NR5A2: variants seen among roughly 807,000 people sequenced by gnomAD.
The protein encoded by NR5A2 is nuclear receptor subfamily 5 group A member 2.
In NR5A2, 26 loss-of-function variants were observed where a neutral mutation model predicts 62.7. The ratio of observed to expected loss-of-function variants is 0.41; its 90% CI spans 0.30 to 0.58. The LOEUF is 0.58. NR5A2 is among the 20% of genes least tolerant of loss of function. The pLI, the probability that NR5A2 is intolerant of heterozygous loss-of-function variation, is 0.22. For missense variants in NR5A2, 541 were observed against 669.1 expected, an observed-to-expected ratio of 0.81 and a Z score of 2.11; for synonymous variants, 246 against 241.7, an observed-to-expected ratio of 1.02 and a Z score of -0.16.
At chr1:200,089,713 AT>A (rs2102250182) in intron 5 of NR5A2, among the ~76,000 whole-genome samples, 1 of 152,024 alleles carries the variant, frequency 6.6e-6, no homozygotes, top group South Asian at 2.1e-4. Flanking sequence ...CAAGGGATCC[AT>A]CCTCCTCAGC....
intron 7 of NR5A2, among the ~76,000 whole-genome samples, chr1:200,157,513 A>G (rs1653445093): frequency 6.6e-6 from 1 of 152,232 alleles, no homozygotes; most frequent in South Asian, 2.1e-4. Context: ...TGAAAAAAAA[A>G]TAGGATAGCT....
intron 7 of NR5A2, among the ~76,000 whole-genome samples, chr1:200,146,493 A>C (rs1395283404): frequency 3.9e-5 from 6 of 152,240 alleles, no homozygotes; most frequent in Non-Finnish European, 8.8e-5. Flanking sequence ...CATGGAAACC[A>C]CCTGGAATTC....
In NR5A2 at chr1:200,096,272, G is replaced by A. The variant is rs149452430; in HGVS notation, c.1111-14930G>A. Among the ~76,000 whole-genome samples, 397 of 152,196 alleles carry A rather than the reference G, an allele frequency of 2.6e-3. 1 individual carries two copies. The highest frequency in any genetic ancestry group is 9.0e-3 in the African/African-American group (372 of 41,520). Reference sequence around the variant, plus strand: ...CTGACTAATTTTTGTATTTTGAATAGAGATGGGGTTTCACCATGTTGGCCA... The same window carrying A: ...CTGACTAATTTTTGTATTTTGAATAAAGATGGGGTTTCACCATGTTGGCCA... On this transcript the variant is annotated intron_variant, in intron 5 of 7. Transcript: ENST00000367362.
chr1:200,110,042 G>T (rs1665869163), intron 5 of NR5A2, among the ~76,000 whole-genome samples: 1 of 152,196 alleles, frequency 6.6e-6, no homozygotes, highest in Non-Finnish European at 1.5e-5. Flanking sequence ...TAGGATTACA[G>T]GCATGAGCCA....
intron 5 of NR5A2, among the ~76,000 whole-genome samples, chr1:200,061,514 G>A (rs1310324651): frequency 6.6e-6 from 1 of 152,056 alleles, no homozygotes; most frequent in African/African-American, 2.4e-5. Flanking sequence ...CCGACCTCAG[G>A]TGATCCGCCC....
intron 7 of NR5A2, among the ~76,000 whole-genome samples, chr1:200,126,656 G>A (rs1221432690): frequency 6.6e-6 from 1 of 151,072 alleles, no homozygotes; most frequent in Non-Finnish European, 1.5e-5. Flanking sequence ...AGAAAGTAGG[G>A]AGATAAGTCT....
In NR5A2 at chr1:200,167,835, G is replaced by A. The variant is rs570551097; in HGVS notation, c.1379-6128G>A. Among the ~76,000 whole-genome samples the A allele has an allele frequency of 5.3e-5, 8 of 152,196 alleles. No homozygotes were observed. The South Asian group carries it at 6.2e-4, about 12-fold the overall frequency. On this transcript the variant is annotated intron_variant, in intron 7 of 7. Transcript: ENST00000367362. ...CTAGGATGTGCGTTCTCTTCCACGC[G>A]TTGCTCAGCTCATTCTAACTCATCT...
At chr1:200,077,191 T>C (rs915816181) in intron 5 of NR5A2, among the ~76,000 whole-genome samples, 1 of 152,202 alleles carries the variant, frequency 6.6e-6, no homozygotes, top group African/African-American at 2.4e-5. Context: ...TTTAAAAACA[T>C]ATGTATTTCT....
rs1571590333 is a variant in NR5A2, at chr1:200,170,969, T to A, written c.1379-2994T>A. ...CAATCTTGGACAAATGCACCAATAA[T>A]GTGAAGCAAGGAGTTACCGGTGTAT... On this transcript the variant is annotated intron_variant, in intron 7 of 7. Coordinates refer to ENST00000367362, the MANE Select transcript of NR5A2 (RefSeq NM_205860.3). Among the ~76,000 whole-genome samples the A allele has an allele frequency of 3.9e-5, 6 of 152,330 alleles. 1 individual carries two copies. The South Asian group carries it at 1.2e-3, about 32-fold the overall frequency.
intron 5 of NR5A2, among the ~76,000 whole-genome samples, chr1:200,095,898 T>C (rs1665074847): frequency 6.6e-6 from 1 of 152,052 alleles, no homozygotes; most frequent in Admixed American, 6.6e-5. Flanking sequence ...AAAAGTCTAA[T>C]GAGACATAAA....
At position 200,052,833 on chromosome 1, in the gene NR5A2, T is replaced by G. The variant is rs111745644; in HGVS notation, c.1110+4015T>G. Reference sequence around the variant, plus strand: ...TTTTTTGTATTTTTAGTAGAGACGGTGTTTCACCGTGTTAGCCAGGATGGT... The same window carrying G: ...TTTTTTGTATTTTTAGTAGAGACGGGGTTTCACCGTGTTAGCCAGGATGGT... On this transcript the variant is annotated intron_variant, in intron 5 of 7. Coordinates refer to ENST00000367362, the MANE Select transcript of NR5A2 (RefSeq NM_205860.3). Among the ~76,000 whole-genome samples the G allele has an allele frequency of 9.4e-3, 1,429 of 152,134 alleles. 13 individuals are homozygous for G. The highest frequency in any genetic ancestry group is 0.026 in the South Asian group (126 of 4,812).
chr1:200,160,085 C>G (rs1653575304), intron 7 of NR5A2, among the ~76,000 whole-genome samples: 1 of 152,198 alleles, frequency 6.6e-6, no homozygotes, highest in South Asian at 2.1e-4. Context: ...CCTCTAAGAC[C>G]TAGGGGATAG....
chr1:200,072,104 A>G (rs942485303), intron 5 of NR5A2, among the ~76,000 whole-genome samples: 5 of 152,194 alleles, frequency 3.3e-5, no homozygotes, highest in Non-Finnish European at 7.3e-5. Context: ...ACTCATTTAT[A>G]TAAATCGAGG....
rs150242648 is a variant in NR5A2, at chr1:200,094,821, C to T, written c.1111-16381C>T. ...TGCTGGGATTACAGGCGTGAGCCAC[C>T]GCGCCTGGCCAAATGCCACTTTGAA... On this transcript the variant is annotated intron_variant, in intron 5 of 7. Coordinates refer to ENST00000367362, the MANE Select transcript of NR5A2 (RefSeq NM_205860.3). Among the ~76,000 whole-genome samples, 324 of 152,052 alleles carry T rather than the reference C, an allele frequency of 2.1e-3. 1 individual carries two copies. The highest frequency in any genetic ancestry group is 6.8e-3 in the Middle Eastern group (2 of 294).
At chr1:200,111,813 C>A (rs1472656623) in intron 6 of NR5A2, among the ~76,000 whole-genome samples, 1 of 151,872 alleles carries the variant, frequency 6.6e-6, no homozygotes, top group African/African-American at 2.4e-5. Context: ...AAGATCCAGT[C>A]ATTCAAATGA....
chr1:200,071,660 G>C (rs1242612994), intron 5 of NR5A2, among the ~76,000 whole-genome samples: 2 of 152,132 alleles, frequency 1.3e-5, no homozygotes, highest in Non-Finnish European at 2.9e-5. Flanking sequence ...GAGATTGAAT[G>C]CTCTAATTAA....
At position 200,045,454 on chromosome 1, in the gene NR5A2, G is replaced by A. The variant is rs34231860; in HGVS notation, c.333G>A (p.Lys111=). 4,908 of 1,599,604 alleles carry A rather than the reference G, an allele frequency of 3.1e-3. 94 individuals carry two copies. In the African/African-American group the frequency reaches 0.051, roughly 17 times the overall value. ...TCTCTGTCTTATAGGGATTTTTTAAGCGAACAGTCCAAAATAATAAAAGGT... is the reference window on the plus strand; with the variant it reads ...TCTCTGTCTTATAGGGATTTTTTAAACGAACAGTCCAAAATAATAAAAGGT... ...LTCESCKGFF[K]RTVQNNKRYT... Residue 111 remains lysine, a synonymous_variant, in exon 4 of 8, where the codon AAG becomes AAA. Coordinates refer to ENST00000367362, the MANE Select transcript of NR5A2 (RefSeq NM_205860.3).
chr1:200,167,196 G>A (rs945424524), intron 7 of NR5A2, among the ~76,000 whole-genome samples: 1 of 151,936 alleles, frequency 6.6e-6, no homozygotes, highest in African/African-American at 2.4e-5. Flanking sequence ...CCATTTCCTG[G>A]ACATCTTCAC....
At chr1:200,062,207 A>G (rs1188179632) in intron 5 of NR5A2, among the ~76,000 whole-genome samples, 1 of 124,186 alleles carries the variant, frequency 8.1e-6, no homozygotes, top group Non-Finnish European at 1.8e-5. Flanking sequence ...AGGGTCCCAA[A>G]TAATTCTCCC....
Sources: allele counts gnomAD v4.1 joint callset (sites outside exome capture counted in the v4.1 genomes callset), GRCh38; gene constraint gnomAD v4.1.1; transcripts MANE v1.5; gene names NCBI Gene and HGNC (gene_info 2026-07-23, HGNC 2026-07-21).